The following PTK2 variants were observed in gnomAD, a reference collection of about 807,000 sequenced individuals.
The protein encoded by PTK2 is focal adhesion kinase 1.
A neutral mutation model predicts 150.1 loss-of-function variants in PTK2; 45 were observed. The observed-to-expected ratio is 0.30, with a 90% CI of 0.24 to 0.38. PTK2 has a LOEUF of 0.38. Among genes scored for constraint, PTK2 ranks in the 10% least tolerant of loss-of-function variants. The pLI is 1.00. For missense variants in PTK2, 919 were observed against 1,307.3 expected, an observed-to-expected ratio of 0.70 and a Z score of 4.58; for synonymous variants, 432 against 449.2, an observed-to-expected ratio of 0.96 and a Z score of 0.48.
At chr8:140,831,434 A>C (rs2100115328) in intron 7 of PTK2, among the ~76,000 whole-genome samples, 1 of 152,272 alleles carries the variant, frequency 6.6e-6, no homozygotes, top group Non-Finnish European at 1.5e-5. Context: ...TAAAGTATCA[A>C]GAAACAGGGA....
chr8:140,714,961 T>C (rs2100038821), intron 23 of PTK2, among the ~76,000 whole-genome samples: 1 of 151,892 alleles, frequency 6.6e-6, no homozygotes, highest in Non-Finnish European at 1.5e-5. Context: ...AGACTCATTT[T>C]AGACGTGCTA....
At chr8:140,760,445 A>T (rs1007847723) in intron 16 of PTK2, among the ~76,000 whole-genome samples, 1 of 152,222 alleles carries the variant, frequency 6.6e-6, no homozygotes, top group Non-Finnish European at 1.5e-5. Flanking sequence ...GATGAACCTT[A>T]AAAATATTAT....
intron 5 of PTK2, among the ~76,000 whole-genome samples, chr8:140,862,739 G>A (rs542115231): frequency 5.3e-5 from 8 of 152,292 alleles, no homozygotes; most frequent in African/African-American, 1.7e-4. Context: ...GTTGTGAGGT[G>A]CACGTGTGAG....
chr8:140,679,754 T>C (rs2100016013), intron 27 of PTK2, among the ~76,000 whole-genome samples: 1 of 152,214 alleles, frequency 6.6e-6, no homozygotes, highest in African/African-American at 2.4e-5. Context: ...AATTTTCCAC[T>C]AGGCAGTTAT....
intron 2 of PTK2, chr8:140,920,789 G>T: frequency 2.1e-6 from 3 of 1,451,260 alleles, no homozygotes; most frequent in South Asian, 1.4e-5. Flanking sequence ...AAATAAAACG[G>T]AACATATTTT....
At chr8:140,769,492 G>A in intron 14 of PTK2, 83 bp downstream of exon 16, 3 of 963,280 alleles carry the variant, frequency 3.1e-6, no homozygotes, top group South Asian at 3.1e-5. Context: ...AGCACATTTT[G>A]CCTTTCATTA....
At chr8:140,718,888 C>T (rs2100041220) in intron 22 of PTK2, among the ~76,000 whole-genome samples, 1 of 152,124 alleles carries the variant, frequency 6.6e-6, no homozygotes, top group Non-Finnish European at 1.5e-5. Context: ...AAGAAATGAT[C>T]ACATCAGGAC....
chr8:140,944,015 T>C (rs1049194718), intron 1 of PTK2, among the ~76,000 whole-genome samples: 1 of 152,194 alleles, frequency 6.6e-6, no homozygotes, highest in Non-Finnish European at 1.5e-5. Flanking sequence ...TTGGAATTCA[T>C]GAGTACTGGG....
At chr8:140,739,594 C>T (rs186044394) in intron 20 of PTK2, among the ~76,000 whole-genome samples, 1 of 152,302 alleles carries the variant, frequency 6.6e-6, no homozygotes, top group Non-Finnish European at 1.5e-5. Flanking sequence ...CACATATATT[C>T]GTATCTCACA....
chr8:140,992,293 GAAAA>G (rs397949814), intron 1 of PTK2, among the ~76,000 whole-genome samples: 3 of 120,600 alleles, frequency 2.5e-5, no homozygotes, highest in Non-Finnish European at 5.3e-5. Context: ...CTTCATCTCG[GAAAA>G]AAAAAAAAAA....
chr8:140,877,332 C>A (rs1375753390), intron 4 of PTK2, among the ~76,000 whole-genome samples: 1 of 152,128 alleles, frequency 6.6e-6, no homozygotes, highest in Non-Finnish European at 1.5e-5. Context: ...CCACACCTAG[C>A]CAACTTTCAC....
intron 1 of PTK2, among the ~76,000 whole-genome samples, chr8:140,997,895 C>T (rs2154610427): frequency 6.6e-6 from 1 of 152,312 alleles, no homozygotes; most frequent in East Asian, 1.9e-4. Context: ...GCTATGATTG[C>T]ACCACTGCAC....
At chr8:140,899,543 G>A (rs747360768) in intron 2 of PTK2, among the ~76,000 whole-genome samples, 1 of 152,076 alleles carries the variant, frequency 6.6e-6, no homozygotes, top group Non-Finnish European at 1.5e-5. Flanking sequence ...CAATTCTACT[G>A]CAAACTCTTC....
intron 29 of PTK2, among the ~76,000 whole-genome samples, chr8:140,673,083 G>A (rs184988793): frequency 1.5e-4 from 23 of 151,926 alleles, no homozygotes; most frequent in Middle Eastern, 3.4e-3. Flanking sequence ...ATTTTAAGAT[G>A]TCTTCCACTA....
In PTK2 at chr8:140,743,051, AT is replaced by A. The variant is rs563434090; in HGVS notation, c.1735+178del. 4.6e-5 allele frequency among the ~76,000 whole-genome samples: 7 copies of A among 152,282 alleles called. 1 individual carries two copies. In the South Asian group the frequency reaches 1.2e-3, roughly 27 times the overall value. On this transcript the variant is annotated intron_variant, in intron 20 of 31. Transcript: ENST00000522684. ...AATTCAGAGGTTTAAACTGAGGTCT[AT>A]TTTTTGCCTAAGGATGTCCAACTGC...
At chr8:140,958,942 T>C (rs2100182137) in intron 1 of PTK2, among the ~76,000 whole-genome samples, 1 of 152,198 alleles carries the variant, frequency 6.6e-6, no homozygotes, top group South Asian at 2.1e-4. Context: ...TTTTTCCCTA[T>C]ATGGATACTC....
At chr8:140,868,247 G>A (rs1243937074) in intron 4 of PTK2, among the ~76,000 whole-genome samples, 3 of 152,174 alleles carry the variant, frequency 2.0e-5, no homozygotes, top group South Asian at 2.1e-4. Flanking sequence ...TAGCTAGTCC[G>A]TGTTTAGTGA....
At chr8:140,967,351 T>C (rs187438013) in intron 1 of PTK2, among the ~76,000 whole-genome samples, 10 of 152,296 alleles carry the variant, frequency 6.6e-5, no homozygotes, top group African/African-American at 1.9e-4. Context: ...AAATTATAAG[T>C]TATCTGGCTG....
chr8:140,785,930 C>T (rs1009447812), intron 14 of PTK2, among the ~76,000 whole-genome samples: 1 of 152,196 alleles, frequency 6.6e-6, no homozygotes, highest in South Asian at 2.1e-4. Context: ...TACTGTCATA[C>T]AGAAACACAA....
Sources: gnomAD v4.1 joint callset for allele counts (sites outside exome capture counted in the v4.1 genomes callset) on GRCh38, gnomAD v4.1.1 for gene constraint, MANE v1.5 for transcripts, NCBI Gene and HGNC (gene_info 2026-07-23, HGNC 2026-07-21) for gene names.